Variants in LDB3 observed in about 807,000 individuals in gnomAD.
LDB3 encodes LIM domain binding 3, also known as LIM domain-binding protein 3.
A neutral mutation model predicts 69.0 loss-of-function variants in LDB3; 49 were observed. That is an observed-to-expected ratio of 0.71 (90% CI 0.56 to 0.90). The LOEUF (loss-of-function observed/expected upper bound fraction) is 0.90, where lower values mean the gene tolerates loss of function less well. Among genes scored for constraint, LDB3 ranks in the 40% least tolerant of loss-of-function variants. LDB3 has a pLI of 0.00. For missense variants in LDB3, 928 were observed against 974.1 expected, an observed-to-expected ratio of 0.95 and a Z score of 0.63; for synonymous variants, 387 against 396.2, an observed-to-expected ratio of 0.98 and a Z score of 0.28.
chr10:86,710,069 G>A lies in LDB3; in HGVS notation c.1231+19G>A, dbSNP rs763969244. 5.6e-5 allele frequency: 91 copies of A among 1,611,264 alleles called. No individual in the cohort carries two copies. The highest frequency in any genetic ancestry group is 8.3e-5 in the Admixed American group (5 of 59,922). On this transcript the variant is annotated intron_variant, in intron 9 of 13. Coordinates refer to ENST00000361373, the MANE Select transcript of LDB3 (RefSeq NM_007078.3). ...CAGCCAGGTAAGAGGCAGAGCAGGA[G>A]GGGAGGCTGTCGAAAGCCATGGGCG...
chr10:86,707,421 G>A (rs1439685611), intron 8 of LDB3, among the ~76,000 whole-genome samples: 2 of 152,022 alleles, frequency 1.3e-5, no homozygotes, highest in Non-Finnish European at 2.9e-5. Context: ...AAGGACACAA[G>A]TATTGTGAGT....
chr10:86,708,770 C>T (rs1846535746), intron 8 of LDB3, among the ~76,000 whole-genome samples: 1 of 152,190 alleles, frequency 6.6e-6, no homozygotes, highest in Non-Finnish European at 1.5e-5. Flanking sequence ...ATTTTATCTC[C>T]GCCTTGTCTG....
intron 5 of LDB3, chr10:86,685,716 C>A: frequency 6.2e-7 from 1 of 1,614,118 alleles, no homozygotes; most frequent in Non-Finnish European, 8.5e-7. Context: ...TATCAAAGGA[C>A]AGCATGTGTG....
intron 2 of LDB3, among the ~76,000 whole-genome samples, chr10:86,673,214 T>A (rs1402844820): frequency 6.6e-6 from 1 of 152,178 alleles, no homozygotes; most frequent in African/African-American, 2.4e-5. Context: ...ACTGTGGACC[T>A]GGACAGGAGG....
At position 86,687,142 on chromosome 10, in the gene LDB3, G is replaced by A. The variant is rs745329859; in HGVS notation, c.690-4754G>A. The A allele has an allele frequency of 1.6e-5, 26 of 1,614,232 alleles. No homozygotes were observed. Among genetic ancestry groups the A allele is most frequent in the Non-Finnish European group, 1.9e-5 (23 of 1,180,044 alleles). ...CCTGTCCACCCACAAGCCCATCGAG[G>A]TGAAGGGGCTGGGCGGCAAGGCCAC... On this transcript the variant is annotated intron_variant, in intron 5 of 13. Coordinates refer to ENST00000361373, the MANE Select transcript of LDB3 (RefSeq NM_007078.3).
At chr10:86,680,304 C>A in intron 4 of LDB3, 147 bp downstream of exon 4, 2 of 737,126 alleles carry the variant, frequency 2.7e-6, no homozygotes, top group South Asian at 1.6e-5. Flanking sequence ...TGCAGCTGAC[C>A]CTGGGGAAGT....
Position 86,681,557 on chromosome 10 carries a change from G to T in LDB3, c.443G>T (p.Arg148Leu). 6.2e-7 allele frequency: 1 copy of T among 1,612,924 alleles called. No homozygotes were observed. Among genetic ancestry groups the T allele is most frequent in the African/African-American group, 1.3e-5 (1 of 75,040 alleles). The stretch of plus-strand genomic sequence containing the variant: ...CCCACCTTTAGCCCTGCCTTCTCCC[G>T]GCCCTCCGCCTTCTCCTCACTCGCC... ...LRPTFSPAFS[R>L]PSAFSSLAEA... The change falls in exon 5 of 14, where the codon CGG becomes CTG. Residue 148 changes from arginine to leucine, a missense_variant. Transcript: ENST00000361373.
rs772303539 is a variant in LDB3 at position 86,691,914 on chromosome 10, C to T, written c.708C>T (p.Asp236=). Residue 236 remains aspartate (D), a synonymous_variant, in exon 6 of 14, where the codon GAC becomes GAT. Transcript: ENST00000361373. ...ATTACAGGAGCCTCCCTATTAAGGACCTTGCCGTAGACAGCGCCTCTCCCG... is the reference window on the plus strand; with the variant it reads ...ATTACAGGAGCCTCCCTATTAAGGATCTTGCCGTAGACAGCGCCTCTCCCG... ...GLPGGSLPIK[D]LAVDSASPVY... is the part of the protein sequence containing the mutation. 8.1e-6 allele frequency: 13 copies of T among 1,614,184 alleles called. No individual in the cohort carries two copies. Among genetic ancestry groups the T allele is most frequent in the East Asian group, 2.2e-5 (1 of 44,888 alleles).
intron 4 of LDB3, 79 bp from the exon 5 acceptor site, chr10:86,681,357 G>T (rs1367071729): frequency 1.3e-6 from 2 of 1,585,394 alleles, no homozygotes; most frequent in African/African-American, 2.7e-5. Context: ...TCTGTTTCAG[G>T]TCCACGCAGG....
chr10:86,685,004 G>T (rs1288170609), intron 5 of LDB3, among the ~76,000 whole-genome samples: 1 of 152,180 alleles, frequency 6.6e-6, no homozygotes, highest in Non-Finnish European at 1.5e-5. Flanking sequence ...GCGCCTGCTC[G>T]CTCCTCCATC....
chr10:86,691,919 C>A lies in LDB3; in HGVS notation c.713C>A (p.Ala238Asp), dbSNP rs369398522. The change falls in exon 6 of 14, where the codon GCC becomes GAC. Residue 238 changes from alanine (A) to aspartate (D), a missense_variant. Coordinates refer to ENST00000361373, the MANE Select transcript of LDB3 (RefSeq NM_007078.3). ...PGGSLPIKDL[A>D]VDSASPVYQA... ...AGGAGCCTCCCTATTAAGGACCTTG[C>A]CGTAGACAGCGCCTCTCCCGTCTAC... The A allele has an allele frequency of 8.1e-6, 13 of 1,614,042 alleles. No homozygotes were observed. The African/African-American group carries it at 1.5e-4, about 18-fold the overall frequency.
chr10:86,728,647 A>G (rs2132508703), intron 13 of LDB3, among the ~76,000 whole-genome samples: 1 of 141,454 alleles, frequency 7.1e-6, no homozygotes, highest in African/African-American at 2.6e-5. Flanking sequence ...CAGTGGTGCG[A>G]TCTTGGCTCA....
At chr10:86,669,784 G>C (rs1844360013) in intron 2 of LDB3, among the ~76,000 whole-genome samples, 2 of 152,250 alleles carry the variant, frequency 1.3e-5, no homozygotes. Context: ...CAAGGCCAGA[G>C]GGGGAGGCCC....
At chr10:86,685,584 C>T in intron 5 of LDB3, 2 of 1,326,884 alleles carry the variant, frequency 1.5e-6, no homozygotes, top group Non-Finnish European at 2.2e-6. Flanking sequence ...TCTGCCTCCA[C>T]AATGACCAGG....
At chr10:86,727,869 C>G (rs1192181155) in intron 13 of LDB3, among the ~76,000 whole-genome samples, 1 of 147,750 alleles carries the variant, frequency 6.8e-6, no homozygotes, top group Non-Finnish European at 1.5e-5. Flanking sequence ...TGGAGTTTCC[C>G]TCTTGTTGCC....
rs961604140 is a variant in LDB3, at chr10:86,719,777, A to G, written c.1978+930A>G. On this transcript the variant is annotated intron_variant, in intron 12 of 13. Transcript: ENST00000361373. ...AGTTTCTCTGTACCCCCAAAATGCT[A>G]TATGTTATCTTAAAATGCTAAGTAA... 1.2e-4 allele frequency among the ~76,000 whole-genome samples: 19 copies of G among 152,188 alleles called. No homozygotes were observed. In the East Asian group the frequency reaches 3.7e-3, roughly 29 times the overall value.
chr10:86,712,657 T>C (rs2132473327), intron 9 of LDB3, among the ~76,000 whole-genome samples: 1 of 152,342 alleles, frequency 6.6e-6, no homozygotes, highest in East Asian at 1.9e-4. Flanking sequence ...GAAGCAGTCA[T>C]TTTGGTGAAG....
rs1226913676 is a variant in LDB3, at chr10:86,730,204, T to C, written c.2095-2683T>C. ...GTGGTGCCCTTTTCCTCTCCAACTC[T>C]CTTGGACTGAATACATGCATATTGC... On this transcript the variant is annotated intron_variant, in intron 13 of 13. Coordinates refer to ENST00000361373, the MANE Select transcript of LDB3 (RefSeq NM_007078.3). Among the ~76,000 whole-genome samples the C allele has an allele frequency of 3.3e-5, 5 of 152,116 alleles. No individual in the cohort carries two copies. In the East Asian group the frequency reaches 7.7e-4, roughly 23 times the overall value.
Position 86,726,190 on chromosome 10 carries a change from G to T in LDB3, c.2032G>T (p.Ala678Ser). The T allele has an allele frequency of 1.2e-6, 2 of 1,614,086 alleles. No individual in the cohort carries two copies. Among genetic ancestry groups the T allele is most frequent in the Non-Finnish European group, 1.7e-6 (2 of 1,180,034 alleles). Residue 678 changes from alanine (A) to serine (S), a missense_variant, in exon 13 of 14, where the codon GCT becomes TCT. Ala to Ser is a moderately conservative substitution (Grantham distance 99). Coordinates refer to ENST00000361373, the MANE Select transcript of LDB3 (RefSeq NM_007078.3). ...KCHGCDFPVEAGDKFIEALGH... is the reference protein window; with the variant it reads ...KCHGCDFPVESGDKFIEALGH... ...CCATGGCTGCGATTTCCCCGTGGAG[G>T]CTGGCGACAAGTTTATCGAAGCCCT...
Sources: allele counts gnomAD v4.1 joint callset (sites outside exome capture counted in the v4.1 genomes callset), GRCh38; gene constraint gnomAD v4.1.1; transcripts MANE v1.5; gene names NCBI Gene and HGNC (gene_info 2026-07-23, HGNC 2026-07-21).